Variants in TRA2B observed in about 807,000 individuals in gnomAD.
TRA2B encodes the protein transformer 2 beta homolog, also known as transformer-2 protein homolog beta.
In TRA2B, 14 loss-of-function variants were observed where a neutral mutation model predicts 41.7. The observed-to-expected ratio is 0.34, with a 90% confidence interval of 0.22 to 0.53. TRA2B has a LOEUF of 0.53. Among genes scored for constraint, TRA2B ranks in the 20% least tolerant of loss-of-function variants. The pLI is 0.95. For missense variants in TRA2B, 167 were observed against 396.8 expected (o/e 0.42, Z 4.92); for synonymous variants, 130 against 128.8 (o/e 1.01, Z -0.06).
chr3:185,926,880 G>C, intron 1 of TRA2B, 146 bp from the exon 2 acceptor site: 1 of 882,632 alleles, frequency 1.1e-6, no homozygotes, highest in South Asian at 1.8e-5. Context: ...AATATACCTG[G>C]TGTTAATAGT....
chr3:185,921,979 G>T, intron 5 of TRA2B, 32 bp downstream of exon 5: 1 of 1,532,222 alleles, frequency 6.5e-7, no homozygotes, highest in Non-Finnish European at 9.0e-7. Flanking sequence ...GTGAAAAACT[G>T]CCAATTATAT....
At chr3:185,937,048 A>C in intron 1 of TRA2B, 1 of 985,446 alleles carries the variant, frequency 1.0e-6, no homozygotes, top group Non-Finnish European at 1.2e-6. Flanking sequence ...AATCCCGTGG[A>C]AATGCGATGT....
At chr3:185,917,802 G>C in intron 8 of TRA2B, 77 bp from the exon 9 acceptor site, 1 of 1,494,180 alleles carries the variant, frequency 6.7e-7, no homozygotes, top group Non-Finnish European at 9.3e-7. Flanking sequence ...GAGAATTTCA[G>C]AATATTCTGC....
intron 1 of TRA2B, chr3:185,934,502 C>T: frequency 1.0e-6 from 1 of 985,376 alleles, no homozygotes; most frequent in Middle Eastern, 5.2e-4. Context: ...AATATTAAAG[C>T]ATTCTTGTTT....
chr3:185,930,759 A>G (rs1162014872), intron 1 of TRA2B, among the ~76,000 whole-genome samples: 1 of 152,248 alleles, frequency 6.6e-6, no homozygotes, highest in African/African-American at 2.4e-5. Context: ...CCAGGTAACC[A>G]GAATAAAGCT....
chr3:185,918,307 C>T (rs1743581224), intron 8 of TRA2B, 58 bp downstream of exon 8: 29 of 1,260,140 alleles, frequency 2.3e-5, no homozygotes, highest in Non-Finnish European at 3.1e-5. Flanking sequence ...AGGGAATACA[C>T]TGTCATCAGA....
chr3:185,922,721 T>C (rs1743788427), intron 4 of TRA2B: 1 of 152,166 alleles, frequency 6.6e-6, no homozygotes, highest in Non-Finnish European at 1.5e-5. Context: ...CTTAAGTACA[T>C]ATAGTTCCTT....
intron 1 of TRA2B, among the ~76,000 whole-genome samples, chr3:185,933,847 G>A (rs1744244828): frequency 6.6e-6 from 1 of 152,014 alleles, no homozygotes. Context: ...CCCAACAAAA[G>A]CAAATATAAA....
intron 7 of TRA2B, among the ~76,000 whole-genome samples, chr3:185,918,682 A>G (rs767310132): frequency 6.6e-6 from 1 of 152,166 alleles, no homozygotes; most frequent in Admixed American, 6.5e-5. Flanking sequence ...TACTTTTTAA[A>G]TTTTGTGAAC....
intron 4 of TRA2B, chr3:185,923,033 G>C (rs1743800086): frequency 6.6e-6 from 1 of 152,256 alleles, no homozygotes; most frequent in Non-Finnish European, 1.5e-5. Flanking sequence ...TAATCCCCCA[G>C]CACTTTGGGA....
rs1454985106 is a variant in TRA2B, at chr3:185,916,710, C to G, written c.*1005G>C. 3 of 152,600 alleles carry G rather than the reference C, an allele frequency of 2.0e-5. No individual in the cohort carries two copies. Among genetic ancestry groups the G allele is most frequent in the Admixed American group, 2.0e-4 (3 of 15,270 alleles). The allele number at this position is 152,600 out of a possible 1,614,324, so 9.5% of individuals were successfully genotyped here. A position where few individuals can be genotyped will look rare whatever the true frequency, so the allele number is the denominator to read the frequency against. ...CAGAAGAACTCTAATTATAATAGAA[C>G]AAGAACACTTCTTTGTGAACAGCTG... On this transcript the variant is annotated 3_prime_UTR_variant, in exon 9 of 9. Coordinates refer to ENST00000453386, the MANE Select transcript of TRA2B (RefSeq NM_004593.3).
intron 4 of TRA2B, 95 bp from the exon 5 acceptor site, chr3:185,922,221 G>A (rs954942740): frequency 1.3e-6 from 1 of 762,488 alleles, no homozygotes; most frequent in Non-Finnish European, 2.1e-6. Context: ...TTTCAGTTAG[G>A]TGCATTAAGT....
intron 1 of TRA2B, chr3:185,935,002 A>G: frequency 1.0e-6 from 1 of 985,454 alleles, no homozygotes. Context: ...ACTCATTACA[A>G]TATTGAGAGG....
chr3:185,936,299 G>A (rs767826173), intron 1 of TRA2B: 24 of 985,194 alleles, frequency 2.4e-5, no homozygotes, highest in Admixed American at 6.2e-5. Flanking sequence ...CAGAAGTCAC[G>A]ACTTTTTAAC....
chr3:185,927,840 T>C (rs746600228), intron 1 of TRA2B: 14 of 152,256 alleles, frequency 9.2e-5, no homozygotes, highest in South Asian at 2.1e-4. Context: ...GGACAGAACC[T>C]ACTCCTAGTC....
rs1423066477 is a variant in TRA2B, at chr3:185,915,341, G to A, written c.*2374C>T. ...GCCCTACAGCTATAAGAAATGGATT[G>A]TTTGTATTGGCATATAAAAGCCTCC... On this transcript the variant is annotated 3_prime_UTR_variant, in exon 9 of 9. Coordinates refer to ENST00000453386, the MANE Select transcript of TRA2B (RefSeq NM_004593.3). Among the ~76,000 whole-genome samples the A allele has an allele frequency of 6.6e-6, 1 of 152,230 alleles. No individual in the cohort carries two copies. Among genetic ancestry groups the A allele is most frequent in the Non-Finnish European group, 1.5e-5 (1 of 68,034 alleles).
intron 1 of TRA2B, chr3:185,937,381 G>A (rs1429393560): frequency 4.0e-6 from 4 of 999,832 alleles, no homozygotes; most frequent in South Asian, 4.2e-5. Context: ...TACGAAGCGC[G>A]GCCCGCTGCG....
chr3:185,931,875 G>A, intron 1 of TRA2B: 1 of 1,365,156 alleles, frequency 7.3e-7, no homozygotes, highest in Non-Finnish European at 9.4e-7. Context: ...AGAACAGGAT[G>A]AAGAATATTT....
At chr3:185,933,323 A>G (rs1744219691) in intron 1 of TRA2B, among the ~76,000 whole-genome samples, 2 of 152,224 alleles carry the variant, frequency 1.3e-5, no homozygotes, top group South Asian at 2.1e-4. Context: ...AACCATTACT[A>G]AATTATTATA....
Sources: gnomAD v4.1 joint callset for allele counts (sites outside exome capture counted in the v4.1 genomes callset) on GRCh38, gnomAD v4.1.1 for gene constraint, MANE v1.5 for transcripts, NCBI Gene and HGNC (gene_info 2026-07-23, HGNC 2026-07-21) for gene names.